MACROD2: variants seen among roughly 807,000 people sequenced by gnomAD.
The protein encoded by MACROD2 is ADP-ribose glycohydrolase MACROD2.
MACROD2 carries 36 observed loss-of-function variants against 70.4 expected under a neutral mutation model. That is an observed-to-expected ratio of 0.51 (90% CI 0.39 to 0.68). The LOEUF is 0.68. MACROD2 is among the 30% of genes least tolerant of loss of function. MACROD2 has a pLI of 0.00. For synonymous variants in MACROD2, 172 were observed against 178.8 expected, an observed-to-expected ratio of 0.96 and a Z score of 0.30; for missense variants, 496 against 538.4, an observed-to-expected ratio of 0.92 and a Z score of 0.78.
chr20:14,910,190 G>A (rs892601748), intron 5 of MACROD2, among the ~76,000 whole-genome samples: 8 of 152,174 alleles, frequency 5.3e-5, no homozygotes, highest in Admixed American at 2.6e-4. Flanking sequence ...GTGTGCTCAA[G>A]ACCTGATCAT....
chr20:14,565,698 T>C (rs1434082362), intron 4 of MACROD2, among the ~76,000 whole-genome samples: 1 of 151,978 alleles, frequency 6.6e-6, no homozygotes, highest in Non-Finnish European at 1.5e-5. Flanking sequence ...AATTTTCTTC[T>C]ACATAAAAAG....
chr20:14,014,874 C>T (rs1270353629), intron 2 of MACROD2, among the ~76,000 whole-genome samples: 1 of 151,878 alleles, frequency 6.6e-6, no homozygotes, highest in African/African-American at 2.4e-5. Context: ...AATCATGGCT[C>T]ACTGGAACCT....
chr20:14,100,165 A>T (rs2054279267), intron 3 of MACROD2, among the ~76,000 whole-genome samples: 1 of 152,026 alleles, frequency 6.6e-6, no homozygotes, highest in Non-Finnish European at 1.5e-5. Flanking sequence ...TCATATGGGA[A>T]GACAAAGGGA....
intron 4 of MACROD2, among the ~76,000 whole-genome samples, chr20:14,520,494 T>TA (rs199955078): frequency 1.5e-4 from 14 of 94,770 alleles, no homozygotes; most frequent in Admixed American, 3.7e-4. Context: ...TTGTTATTAT[T>TA]TTTTTTTTTT....
At chr20:14,576,624 C>G in intron 4 of MACROD2, among the ~76,000 whole-genome samples, 1 of 152,154 alleles carries the variant, frequency 6.6e-6, no homozygotes, top group East Asian at 1.9e-4. Context: ...AATTAAAAGG[C>G]ATGGATCCAA....
At chr20:15,800,892 C>T (rs887407003) in intron 8 of MACROD2, among the ~76,000 whole-genome samples, 3 of 151,776 alleles carry the variant, frequency 2.0e-5, no homozygotes, top group African/African-American at 7.3e-5. Flanking sequence ...ACCTTACCCC[C>T]AACCCTGTGC....
At chr20:14,466,253 A>G (rs187169880) in intron 3 of MACROD2, among the ~76,000 whole-genome samples, 1 of 151,794 alleles carries the variant, frequency 6.6e-6, no homozygotes, top group Non-Finnish European at 1.5e-5. Flanking sequence ...TTTTTTCTCT[A>G]AACTTCTCTT....
chr20:14,032,158 T>G (rs1439208182), intron 2 of MACROD2, among the ~76,000 whole-genome samples: 2 of 152,136 alleles, frequency 1.3e-5, no homozygotes, highest in East Asian at 3.8e-4. Context: ...TCATTATTTT[T>G]TAAATGGCTG....
intron 3 of MACROD2, among the ~76,000 whole-genome samples, chr20:14,151,983 G>A (rs1456612219): frequency 1.3e-5 from 2 of 151,098 alleles, no homozygotes; most frequent in Admixed American, 6.6e-5. Context: ...CACCACGCCC[G>A]GCTAATATTT....
intron 5 of MACROD2, among the ~76,000 whole-genome samples, chr20:14,882,785 AT>A (rs5840636): frequency 0.91 from 137,996 of 152,028 alleles, 62,812 homozygotes; most frequent in East Asian, 1. Flanking sequence ...CATTATCTCC[AT>A]TTTTTTTAAA....
chr20:15,086,085 A>C lies in MACROD2; in HGVS notation c.419-143855A>C, dbSNP rs138788214. On this transcript the variant is annotated intron_variant, in intron 5 of 17. Coordinates refer to ENST00000684519, the MANE Select transcript of MACROD2 (RefSeq NM_001351661.2). ...GGGGTTGAGGGAGTCCCAGCAATAC[A>C]CGTCCCACATCTTGTTAAGTCCTCC... 1.6e-3 allele frequency among the ~76,000 whole-genome samples: 251 copies of C among 152,222 alleles called. 1 individual carries two copies. Among genetic ancestry groups the C allele is most frequent in the African/African-American group, 5.6e-3 (233 of 41,548 alleles).
chr20:15,967,978 G>A (rs533591791), intron 13 of MACROD2, among the ~76,000 whole-genome samples: 2 of 152,134 alleles, frequency 1.3e-5, no homozygotes, highest in African/African-American at 4.8e-5. Context: ...AAATGCAGGG[G>A]ATTAAATCCA....
At chr20:14,989,790 C>A (rs924929000) in intron 5 of MACROD2, among the ~76,000 whole-genome samples, 1 of 152,146 alleles carries the variant, frequency 6.6e-6, no homozygotes, top group Non-Finnish European at 1.5e-5. Flanking sequence ...TCGGTCATAG[C>A]TTGGTCCACA....
At chr20:15,199,333 G>A (rs57568882) in intron 5 of MACROD2, among the ~76,000 whole-genome samples, 1 of 151,954 alleles carries the variant, frequency 6.6e-6, no homozygotes, top group South Asian at 2.1e-4. Context: ...CTCCAGCCTA[G>A]GCAACAGAAA....
At chr20:15,215,512 A>G (rs1322355949) in intron 5 of MACROD2, among the ~76,000 whole-genome samples, 1 of 152,078 alleles carries the variant, frequency 6.6e-6, no homozygotes, top group East Asian at 1.9e-4. Context: ...CTCCCAAGGA[A>G]TTGATTATTT....
chr20:15,250,464 T>C (rs1321464529), intron 6 of MACROD2, among the ~76,000 whole-genome samples: 1 of 152,228 alleles, frequency 6.6e-6, no homozygotes, highest in East Asian at 1.9e-4. Flanking sequence ...ATTTAGCTTA[T>C]GATAAATTAG....
chr20:15,185,479 A>T (rs1027029571), intron 5 of MACROD2, among the ~76,000 whole-genome samples: 2 of 152,186 alleles, frequency 1.3e-5, no homozygotes, highest in Admixed American at 6.5e-5. Flanking sequence ...TGTATCATTT[A>T]TCTGGGCTAA....
chr20:16,043,568 A>T (rs544901492), intron 16 of MACROD2, among the ~76,000 whole-genome samples: 1 of 152,232 alleles, frequency 6.6e-6, no homozygotes, highest in South Asian at 2.1e-4. Flanking sequence ...TTACTTCTGG[A>T]GAATGGCAGT....
intron 5 of MACROD2, among the ~76,000 whole-genome samples, chr20:14,808,643 T>C (rs972241011): frequency 1.1e-4 from 16 of 151,608 alleles, no homozygotes; most frequent in Non-Finnish European, 1.6e-4. Flanking sequence ...AACTAGCAAA[T>C]TGGATAAAGA....
Sources: gnomAD v4.1 joint callset for allele counts (sites outside exome capture counted in the v4.1 genomes callset) on GRCh38, gnomAD v4.1.1 for gene constraint, MANE v1.5 for transcripts, NCBI Gene and HGNC (gene_info 2026-07-23, HGNC 2026-07-21) for gene names.